Variants in NBDY observed in about 807,000 individuals in gnomAD.
The protein encoded by NBDY is P-body dissociating protein.
intron 2 of NBDY, among the ~76,000 whole-genome samples, chrX:56,788,382 G>T (rs1429465207): frequency 8.8e-6 from 1 of 113,172 alleles, no homozygotes; most frequent in Non-Finnish European, 1.9e-5. Context: ...GGGCACAAGT[G>T]CTGGGGAAAG....
intron 2 of NBDY, among the ~76,000 whole-genome samples, chrX:56,755,918 T>G (rs1420607934): frequency 4.8e-5 from 5 of 103,670 alleles, no homozygotes; most frequent in Non-Finnish European, 9.9e-5. Flanking sequence ...TAGACTGGAT[T>G]AAGAAAATGT....
intron 2 of NBDY, among the ~76,000 whole-genome samples, chrX:56,785,497 G>A (rs189640658): frequency 2.8e-4 from 31 of 111,156 alleles, no homozygotes; most frequent in African/African-American, 9.2e-4. Context: ...GGGTACAGTC[G>A]TCTAGGCAAT....
At chrX:56,744,487 C>T (rs545161648) in intron 2 of NBDY, among the ~76,000 whole-genome samples, 2 of 111,601 alleles carry the variant, frequency 1.8e-5, no homozygotes, top group African/African-American at 6.5e-5. Flanking sequence ...TTTACTCATT[C>T]ACTTTTTTCT....
chrX:56,809,122 G>C (rs918622387), intron 2 of NBDY, among the ~76,000 whole-genome samples: 10 of 112,538 alleles, frequency 8.9e-5, no homozygotes, highest in African/African-American at 3.2e-4. Context: ...TGGTCTTAGA[G>C]ACTGTTATAA....
intron 1 of NBDY, among the ~76,000 whole-genome samples, chrX:56,730,513 CAAAAAAAAA>C (rs1157131797): frequency 8.7e-3 from 98 of 11,215 alleles, no homozygotes; most frequent in African/African-American, 0.019. Context: ...AACTACGTCT[CAAAAAAAAA>C]AAAAAAAAAA....
At chrX:56,764,688 A>G (rs2069656236) in intron 2 of NBDY, among the ~76,000 whole-genome samples, 3 of 95,216 alleles carry the variant, frequency 3.2e-5, no homozygotes, top group Admixed American at 2.3e-4. Context: ...GGTGCCAAAA[A>G]CCAAAACAAA....
intron 2 of NBDY, among the ~76,000 whole-genome samples, chrX:56,810,283 C>G (rs779917818): frequency 4.6e-4 from 51 of 111,317 alleles, no homozygotes; most frequent in African/African-American, 1.7e-3. Flanking sequence ...TCCTGAATTT[C>G]AATGTTGGCC....
intron 2 of NBDY, among the ~76,000 whole-genome samples, chrX:56,790,098 G>A (rs915872651): frequency 4.5e-5 from 5 of 111,648 alleles, no homozygotes; most frequent in African/African-American, 1.6e-4. Context: ...CCCCTTTAGG[G>A]TCTCCAGGAA....
rs778049211 is a variant in NBDY, at chrX:56,738,889, T to A, written c.*166+6690T>A. On this transcript the variant is annotated intron_variant, in intron 2 of 2. Transcript: ENST00000374922. ...AGAAATGTGACTGGACTAAAGGGTATGATCTAATACCAATAGACTTGGTGG... is the reference window on the plus strand; with the variant it reads ...AGAAATGTGACTGGACTAAAGGGTAAGATCTAATACCAATAGACTTGGTGG... Among the ~76,000 whole-genome samples, 4 of 110,740 alleles carry A rather than the reference T, an allele frequency of 3.6e-5. No homozygotes were observed. The East Asian group carries it at 1.1e-3, about 32-fold the overall frequency.
chrX:56,797,151 CCTCCTT>C (rs1437398826), intron 2 of NBDY, among the ~76,000 whole-genome samples: 1 of 104,153 alleles, frequency 9.6e-6, no homozygotes, highest in South Asian at 4.6e-4. Context: ...CTTCCCCTTC[CCTCCTT>C]CTCCTTCTTC....
At chrX:56,807,490 T>C (rs2069858496) in intron 2 of NBDY, among the ~76,000 whole-genome samples, 2 of 111,733 alleles carry the variant, frequency 1.8e-5, no homozygotes, top group African/African-American at 6.5e-5. Context: ...TTTTATTTCA[T>C]TGAGCAGTAG....
At chrX:56,736,999 T>C (rs751922296) in intron 2 of NBDY, among the ~76,000 whole-genome samples, 2 of 111,770 alleles carry the variant, frequency 1.8e-5, no homozygotes, top group Non-Finnish European at 3.8e-5. Context: ...GGAAAACTGA[T>C]AAAGTGGCCT....
At chrX:56,758,966 C>T (rs772598973) in intron 2 of NBDY, among the ~76,000 whole-genome samples, 1 of 112,078 alleles carries the variant, frequency 8.9e-6, no homozygotes, top group Non-Finnish European at 1.9e-5. Context: ...AAAGCCATGA[C>T]CCCGTTGCTC....
At chrX:56,759,694 G>A (rs1037138593) in intron 2 of NBDY, among the ~76,000 whole-genome samples, 7 of 111,571 alleles carry the variant, frequency 6.3e-5, no homozygotes, top group South Asian at 3.8e-4. Context: ...GCGACAAGCC[G>A]TCCACAGGCT....
At chrX:56,811,507 C>T (rs199959575) in intron 2 of NBDY, among the ~76,000 whole-genome samples, 3 of 111,893 alleles carry the variant, frequency 2.7e-5, no homozygotes, top group Non-Finnish European at 3.8e-5. Context: ...TGCTGAGCTG[C>T]GGTGGGCTCC....
At chrX:56,743,219 G>T (rs745397237) in intron 2 of NBDY, among the ~76,000 whole-genome samples, 1 of 110,686 alleles carries the variant, frequency 9.0e-6, no homozygotes, top group South Asian at 3.8e-4. Flanking sequence ...CTAGTAGTGT[G>T]TTGAAGATGT....
chrX:56,760,605 A>G (rs1249144870), intron 2 of NBDY, among the ~76,000 whole-genome samples: 3 of 111,509 alleles, frequency 2.7e-5, no homozygotes, highest in African/African-American at 9.8e-5. Flanking sequence ...AATCGCTTGA[A>G]CCCGGGAGAC....
chrX:56,783,074 C>G (rs1391568168), intron 2 of NBDY, among the ~76,000 whole-genome samples: 1 of 112,785 alleles, frequency 8.9e-6, no homozygotes, highest in Non-Finnish European at 1.9e-5. Context: ...ACCTCAGGCA[C>G]GAAACTGCCC....
At chrX:56,799,964 G>A (rs1348452057) in intron 2 of NBDY, among the ~76,000 whole-genome samples, 1 of 109,594 alleles carries the variant, frequency 9.1e-6, no homozygotes, top group Non-Finnish European at 1.9e-5. Flanking sequence ...TTTTGCTGTG[G>A]ATTTGTAGCA....
Sources: allele counts gnomAD v4.1 joint callset (sites outside exome capture counted in the v4.1 genomes callset), GRCh38; gene constraint gnomAD v4.1.1; transcripts MANE v1.5; gene names NCBI Gene and HGNC (gene_info 2026-07-23, HGNC 2026-07-21).